Variants in AGO3 observed in about 807,000 individuals in gnomAD.
AGO3 encodes the protein protein argonaute-3.
In AGO3, 16 loss-of-function variants were observed where a neutral mutation model predicts 105.5. The observed-to-expected ratio is 0.15, with a 90% confidence interval of 0.10 to 0.23. The LOEUF is 0.23. Ranked by LOEUF, AGO3 falls within the 10% of genes least tolerant of loss-of-function variation. The probability of loss-of-function intolerance (pLI) is 1.00; values close to 1 mark genes in which losing one functional copy is unlikely to be tolerated. For synonymous variants in AGO3, 340 were observed against 367.3 expected, an observed-to-expected ratio of 0.93 and a Z score of 0.85; for missense variants, 534 against 1,088.0, an observed-to-expected ratio of 0.49 and a Z score of 7.16.
Position 35,992,811 on chromosome 1 carries a change from A to G in AGO3, c.659-11530A>G, listed in dbSNP as rs141408654. Among the ~76,000 whole-genome samples the G allele has an allele frequency of 5.3e-5, 8 of 152,344 alleles. No individual in the cohort carries two copies. In the East Asian group the frequency reaches 7.7e-4, roughly 15 times the overall value. ...CAATAAACTATCTCACACATTTTCT[A>G]TGAGTTAGGAGTGACTTCGATGGTT... On this transcript the variant is annotated intron_variant, in intron 5 of 18. Coordinates refer to ENST00000373191, the MANE Select transcript of AGO3 (RefSeq NM_024852.4).
rs71034711 is a variant in AGO3, at chr1:36,053,745, AT to A, written c.2275-1177del. On this transcript the variant is annotated intron_variant, in intron 17 of 18. Coordinates refer to ENST00000373191, the MANE Select transcript of AGO3 (RefSeq NM_024852.4). ...AGGTCCACACCACCACACCTGGCTAATTTTTTTTTTTTTTTTTTTTTTTTGA... is the reference window on the plus strand; with the variant it reads ...AGGTCCACACCACCACACCTGGCTAATTTTTTTTTTTTTTTTTTTTTTTGA... Among the ~76,000 whole-genome samples the A allele has an allele frequency of 4.3e-3, 353 of 81,284 alleles. 1 individual carries two copies. Among genetic ancestry groups the A allele is most frequent in the African/African-American group, 0.013 (264 of 20,928 alleles). 53.3% of individuals were successfully genotyped at this position (81,284 alleles called of 152,430 possible). A position where few individuals can be genotyped will look rare whatever the true frequency, so the allele number is the denominator to read the frequency against.
At chr1:36,034,136 C>G in intron 12 of AGO3, 38 bp from the exon 13 acceptor site, 1 of 1,463,258 alleles carries the variant, frequency 6.8e-7, no homozygotes, top group East Asian at 2.4e-5. Context: ...ATTTTCAGGT[C>G]TTTTTTTCTG....
At chr1:36,043,873 G>A (rs995886318) in intron 17 of AGO3, among the ~76,000 whole-genome samples, 3 of 150,576 alleles carry the variant, frequency 2.0e-5, no homozygotes, top group African/African-American at 7.3e-5. Context: ...AAAAAAAAAA[G>A]AGAGAGAGAG....
At chr1:35,965,526 G>C (rs1646757678) in intron 2 of AGO3, among the ~76,000 whole-genome samples, 1 of 149,068 alleles carries the variant, frequency 6.7e-6, no homozygotes, top group Non-Finnish European at 1.5e-5. Context: ...AAAGAAACCA[G>C]ATTTAGTAAT....
chr1:36,049,717 C>T (rs1642623924), intron 17 of AGO3, among the ~76,000 whole-genome samples: 1 of 152,092 alleles, frequency 6.6e-6, no homozygotes, highest in Non-Finnish European at 1.5e-5. Context: ...TGGAGAAAGT[C>T]ATTCATTCCA....
chr1:35,960,415 G>A (rs1351524100), intron 2 of AGO3, among the ~76,000 whole-genome samples: 1 of 152,076 alleles, frequency 6.6e-6, no homozygotes, highest in Non-Finnish European at 1.5e-5. Flanking sequence ...AGGAGTTTTA[G>A]GTTACAGTGA....
At position 36,057,480 on chromosome 1, in the gene AGO3, C is replaced by G. The variant is rs1212590203; in HGVS notation, c.*1735C>G. 1 of 151,894 alleles carries G rather than the reference C, an allele frequency of 6.6e-6. No individual in the cohort carries two copies. The highest frequency in any genetic ancestry group is 1.9e-4 in the East Asian group (1 of 5,192). The allele number at this position is 151,894 out of a possible 1,614,324, so 9.4% of individuals were successfully genotyped here. Reference sequence around the variant, plus strand: ...GCAGCATCTTTTATAGAAATATAATCATGTTTATTTTAAGAACTGACAACT... The same window carrying G: ...GCAGCATCTTTTATAGAAATATAATGATGTTTATTTTAAGAACTGACAACT... On this transcript the variant is annotated 3_prime_UTR_variant, in exon 19 of 19. Coordinates refer to ENST00000373191, the MANE Select transcript of AGO3 (RefSeq NM_024852.4).
At chr1:35,943,094 C>G (rs1646287267) in intron 1 of AGO3, among the ~76,000 whole-genome samples, 1 of 151,952 alleles carries the variant, frequency 6.6e-6, no homozygotes. Context: ...CCTCCACCTC[C>G]CAGGTTCAAG....
intron 6 of AGO3, among the ~76,000 whole-genome samples, chr1:36,006,760 T>A (rs1640354185): frequency 6.6e-6 from 1 of 152,168 alleles, no homozygotes; most frequent in Non-Finnish European, 1.5e-5. Flanking sequence ...ACTCACTGAT[T>A]CAAGGAGGAG....
At chr1:36,045,644 G>A (rs560279522) in intron 17 of AGO3, among the ~76,000 whole-genome samples, 1 of 152,072 alleles carries the variant, frequency 6.6e-6, no homozygotes, top group South Asian at 2.1e-4. Context: ...CCAGGTTCAA[G>A]CGATTCTTCT....
chr1:36,014,128 T>C, intron 11 of AGO3, 80 bp downstream of exon 11: 1 of 1,578,664 alleles, frequency 6.3e-7, no homozygotes, highest in South Asian at 1.1e-5. Flanking sequence ...CTAACAGATG[T>C]TGCCTTAATA....
chr1:35,948,291 C>A lies in AGO3; in HGVS notation c.191+2428C>A, dbSNP rs558445759. Reference sequence around the variant, plus strand: ...GGAGTGCAATGGCGCGATTTCCGCTCACTGCAACCTCTGCCTCCTAGGTTC... The same window carrying A: ...GGAGTGCAATGGCGCGATTTCCGCTAACTGCAACCTCTGCCTCCTAGGTTC... On this transcript the variant is annotated intron_variant, in intron 2 of 18. Transcript: ENST00000373191. 6.6e-5 allele frequency among the ~76,000 whole-genome samples: 10 copies of A among 150,546 alleles called. No homozygotes were observed. In the South Asian group the frequency reaches 2.1e-3, roughly 32 times the overall value.
At chr1:36,011,589 T>C (rs990105077) in intron 9 of AGO3, among the ~76,000 whole-genome samples, 2 of 152,182 alleles carry the variant, frequency 1.3e-5, no homozygotes, top group African/African-American at 4.8e-5. Context: ...TATCATATGG[T>C]AGTTTAAAAA....
intron 2 of AGO3, among the ~76,000 whole-genome samples, chr1:35,960,952 A>AT (rs942382362): frequency 1.7e-4 from 22 of 129,906 alleles, no homozygotes; most frequent in South Asian, 1.7e-3. Context: ...TTTTATTTTT[A>AT]TTTTTTTTTG....
chr1:36,034,355 T>C (rs770668630), intron 13 of AGO3, 22 bp downstream of exon 13: 34 of 1,541,986 alleles, frequency 2.2e-5, no homozygotes, highest in Non-Finnish European at 2.8e-5. Context: ...TAATCGCTTA[T>C]GAAAATATTA....
intron 11 of AGO3, among the ~76,000 whole-genome samples, chr1:36,021,855 C>T (rs1641242561): frequency 6.6e-6 from 1 of 152,020 alleles, no homozygotes; most frequent in Non-Finnish European, 1.5e-5. Flanking sequence ...CAATATGATA[C>T]AGAATCTATC....
intron 12 of AGO3, among the ~76,000 whole-genome samples, chr1:36,030,490 G>A (rs1051447678): frequency 6.7e-6 from 1 of 148,482 alleles, no homozygotes; most frequent in Non-Finnish European, 1.5e-5. Context: ...GGGCAACAGA[G>A]CGAGACCCTT....
chr1:36,000,886 A>G (rs938687686), intron 5 of AGO3, among the ~76,000 whole-genome samples: 3 of 151,968 alleles, frequency 2.0e-5, no homozygotes, highest in Non-Finnish European at 4.4e-5. Flanking sequence ...ATATTTCTAA[A>G]GTTTATTTGG....
intron 5 of AGO3, among the ~76,000 whole-genome samples, chr1:35,993,524 T>G (rs1259158580): frequency 6.6e-6 from 1 of 151,798 alleles, no homozygotes; most frequent in African/African-American, 2.4e-5. Context: ...TGAAACAAAT[T>G]CCTTGACAAG....
Sources: gnomAD v4.1 joint callset for allele counts (sites outside exome capture counted in the v4.1 genomes callset) on GRCh38, gnomAD v4.1.1 for gene constraint, MANE v1.5 for transcripts, NCBI Gene and HGNC (gene_info 2026-07-23, HGNC 2026-07-21) for gene names.